Variants in RAPGEF2 observed in about 807,000 individuals in gnomAD.
RAPGEF2 encodes Rap guanine nucleotide exchange factor 2.
A neutral mutation model predicts 186.7 loss-of-function variants in RAPGEF2; 54 were observed. The observed-to-expected ratio is 0.29, with a 90% CI of 0.23 to 0.36. The LOEUF is 0.36. Among genes scored for constraint, RAPGEF2 ranks in the 10% least tolerant of loss-of-function variants. The pLI, the probability that RAPGEF2 is intolerant of heterozygous loss-of-function variation, is 1.00. For synonymous variants in RAPGEF2, 712 were observed against 705.9 expected, an observed-to-expected ratio of 1.01 and a Z score of -0.14; for missense variants, 1,532 against 2,045.0, an observed-to-expected ratio of 0.75 and a Z score of 4.84.
chr4:159,319,138 A>G (rs1764944984), intron 9 of RAPGEF2, among the ~76,000 whole-genome samples: 2 of 151,700 alleles, frequency 1.3e-5, no homozygotes, highest in Non-Finnish European at 2.9e-5. Context: ...GCATTGTCAG[A>G]GTTTTGAGCC....
intron 8 of RAPGEF2, 116 bp from the exon 9 acceptor site, chr4:159,314,475 G>A: frequency 2.1e-6 from 2 of 959,324 alleles, no homozygotes; most frequent in South Asian, 2.1e-5. Flanking sequence ...CATAGTTGTT[G>A]GATGGAAAAA....
At chr4:159,291,488 G>A (rs888030456) in intron 7 of RAPGEF2, among the ~76,000 whole-genome samples, 3 of 152,060 alleles carry the variant, frequency 2.0e-5, no homozygotes, top group African/African-American at 7.2e-5. Flanking sequence ...TAGAGACAGG[G>A]TTTTGCCATG....
At chr4:159,147,994 A>G (rs900594332) in intron 1 of RAPGEF2, among the ~76,000 whole-genome samples, 1 of 152,194 alleles carries the variant, frequency 6.6e-6, no homozygotes, top group Non-Finnish European at 1.5e-5. Flanking sequence ...ATAATCTAAA[A>G]TTTCTTATTT....
At chr4:159,322,304 A>T in intron 9 of RAPGEF2, 43 bp from the exon 10 acceptor site, 1 of 1,578,930 alleles carries the variant, frequency 6.3e-7, no homozygotes. Flanking sequence ...CTTGTTTTTA[A>T]TAAAAGTAGT....
intron 7 of RAPGEF2, among the ~76,000 whole-genome samples, chr4:159,252,795 G>T (rs1755621146): frequency 1.3e-5 from 2 of 152,088 alleles, no homozygotes; most frequent in African/African-American, 4.8e-5. Flanking sequence ...TTCATCTCTG[G>T]ACTCCTTTAA....
intron 7 of RAPGEF2, among the ~76,000 whole-genome samples, chr4:159,302,642 TC>T (rs1762812023): frequency 6.6e-6 from 1 of 152,182 alleles, no homozygotes; most frequent in Non-Finnish European, 1.5e-5. Context: ...TTTGAATTGT[TC>T]CTGAAGAAGT....
intron 1 of RAPGEF2, among the ~76,000 whole-genome samples, chr4:159,104,553 A>AGGGAGAGAGTGTGT (rs1553991869): frequency 4.4e-5 from 6 of 136,024 alleles, no homozygotes; most frequent in African/African-American, 1.5e-4. Flanking sequence ...AGAGAGAGAG[A>AGGGAGAGAGTGTGT]GTGTGTGTGT....
At chr4:159,156,407 T>A (rs1390364091) in intron 1 of RAPGEF2, among the ~76,000 whole-genome samples, 1 of 152,224 alleles carries the variant, frequency 6.6e-6, no homozygotes, top group African/African-American at 2.4e-5. Context: ...CTATGTGTTA[T>A]ATCTACTTTC....
chr4:159,109,693 A>G lies in RAPGEF2; in HGVS notation c.69+5462A>G, dbSNP rs146111855. Among the ~76,000 whole-genome samples the G allele has an allele frequency of 5.3e-3, 800 of 152,342 alleles. 8 individuals are homozygous for G. The highest frequency in any genetic ancestry group is 0.018 in the African/African-American group (761 of 41,564). Reference sequence around the variant, plus strand: ...CAGCTATCCTATGACAGCACTGAAGAGGATGTGGACTTCCTAGATGAATAT... The same window carrying G: ...CAGCTATCCTATGACAGCACTGAAGGGGATGTGGACTTCCTAGATGAATAT... On this transcript the variant is annotated intron_variant, in intron 1 of 29. Coordinates refer to ENST00000691494, the MANE Select transcript of RAPGEF2 (RefSeq NM_001394067.2).
intron 1 of RAPGEF2, among the ~76,000 whole-genome samples, chr4:159,178,200 A>G (rs536254646): frequency 1.3e-5 from 2 of 152,328 alleles, no homozygotes; most frequent in South Asian, 4.1e-4. Context: ...CTCATGCTGC[A>G]GTGGAACATA....
At chr4:159,341,447 C>A (rs112063456) in intron 19 of RAPGEF2, 117 bp from the exon 20 acceptor site, 12,435 of 1,059,804 alleles carry the variant, frequency 0.012, 84 homozygotes, top group Non-Finnish European at 0.014. Context: ...AAGAAATCTT[C>A]CATAATTCAA....
chr4:159,210,690 A>T (rs1396261011), intron 4 of RAPGEF2, 107 bp downstream of exon 4: 6 of 786,626 alleles, frequency 7.6e-6, no homozygotes, highest in Non-Finnish European at 1.2e-5. Context: ...CTGCTGATAC[A>T]AAGCAAGACA....
chr4:159,325,324 C>T (rs1386838226), intron 11 of RAPGEF2, among the ~76,000 whole-genome samples: 4 of 152,010 alleles, frequency 2.6e-5, no homozygotes, highest in African/African-American at 9.7e-5. Flanking sequence ...GGTTAATTCT[C>T]AGTTATGTGG....
intron 1 of RAPGEF2, among the ~76,000 whole-genome samples, chr4:159,107,176 T>A (rs544570953): frequency 1.3e-5 from 2 of 152,342 alleles, no homozygotes; most frequent in South Asian, 4.1e-4. Flanking sequence ...TTGAAAATAA[T>A]GAGCCCTGAA....
intron 11 of RAPGEF2, among the ~76,000 whole-genome samples, chr4:159,324,681 A>C (rs1210606837): frequency 6.6e-6 from 1 of 152,206 alleles, no homozygotes; most frequent in Non-Finnish European, 1.5e-5. Flanking sequence ...AAAAGAAAAT[A>C]CTTGATATCA....
chr4:159,314,518 T>A, intron 8 of RAPGEF2, 73 bp from the exon 9 acceptor site: 1 of 1,342,562 alleles, frequency 7.4e-7, no homozygotes, highest in East Asian at 2.6e-5. Flanking sequence ...GAATGAGGCT[T>A]GCTCTTGTTT....
At chr4:159,215,511 T>C (rs1303806953) in intron 4 of RAPGEF2, among the ~76,000 whole-genome samples, 1 of 152,216 alleles carries the variant, frequency 6.6e-6, no homozygotes, top group Non-Finnish European at 1.5e-5. Flanking sequence ...ACCATTGTTA[T>C]ACAGAGAAAC....
At chr4:159,126,363 G>A (rs2111112142) in intron 1 of RAPGEF2, among the ~76,000 whole-genome samples, 1 of 152,188 alleles carries the variant, frequency 6.6e-6, no homozygotes, top group South Asian at 2.1e-4. Flanking sequence ...CCAGTGTAAA[G>A]CAATTCATCA....
At chr4:159,338,101 A>G (rs991194764) in intron 17 of RAPGEF2, among the ~76,000 whole-genome samples, 1 of 147,194 alleles carries the variant, frequency 6.8e-6, no homozygotes, top group African/African-American at 2.7e-5. Context: ...AAAAACAAAC[A>G]AACAAAAACA....
Sources: gnomAD v4.1 joint callset for allele counts (sites outside exome capture counted in the v4.1 genomes callset) on GRCh38, gnomAD v4.1.1 for gene constraint, MANE v1.5 for transcripts, NCBI Gene and HGNC (gene_info 2026-07-23, HGNC 2026-07-21) for gene names.